Variants in ARHGAP39 observed in about 807,000 individuals in gnomAD.
The protein encoded by ARHGAP39 is Rho GTPase activating protein 39.
ARHGAP39 carries 44 observed loss-of-function variants against 106.9 expected under a neutral mutation model. The ratio of observed to expected loss-of-function variants is 0.41; its 90% confidence interval spans 0.32 to 0.53. The LOEUF (loss-of-function observed/expected upper bound fraction) is 0.53, where lower values mean the gene tolerates loss of function less well. ARHGAP39 is among the 20% of genes least tolerant of loss of function. ARHGAP39 has a pLI of 0.21. For missense variants in ARHGAP39, 1,496 were observed against 1,577.3 expected, an observed-to-expected ratio of 0.95 and a Z score of 0.87; for synonymous variants, 768 against 693.2, an observed-to-expected ratio of 1.11 and a Z score of -1.69.
intron 7 of ARHGAP39, among the ~76,000 whole-genome samples, chr8:144,536,336 C>T (rs1041643119): frequency 6.6e-6 from 1 of 152,124 alleles, no homozygotes; most frequent in African/African-American, 2.4e-5. Context: ...GTCTCCCAGG[C>T]CACCAGGTGT....
At chr8:144,595,734 C>T (rs1201431974) in intron 2 of ARHGAP39, among the ~76,000 whole-genome samples, 3 of 152,116 alleles carry the variant, frequency 2.0e-5, no homozygotes, top group Non-Finnish European at 4.4e-5. Context: ...TGAGCTCCAG[C>T]CGCCACAGCT....
rs201501799 is a variant in ARHGAP39 at position 144,605,636 on chromosome 8, C to T, written c.-22G>A. Reference sequence around the variant, plus strand: ...ACATCGCTGTTTGCTTCCGCGCCCACGTGGACAGACGTCAGGGCACCATAC... The same window carrying T: ...ACATCGCTGTTTGCTTCCGCGCCCATGTGGACAGACGTCAGGGCACCATAC... On this transcript the variant is annotated 5_prime_UTR_variant, in exon 2 of 12. It adds an upstream start codon to the 5' untranslated region. Coordinates refer to ENST00000377307, the MANE Select transcript of ARHGAP39 (RefSeq NM_025251.3). 1.2e-6 allele frequency: 2 copies of T among 1,610,876 alleles called. No homozygotes were observed. Among genetic ancestry groups the T allele is most frequent in the South Asian group, 1.1e-5 (1 of 91,058 alleles).
At chr8:144,594,104 A>AG (rs1280600360) in intron 2 of ARHGAP39, among the ~76,000 whole-genome samples, 6 of 152,016 alleles carry the variant, frequency 3.9e-5, no homozygotes, top group African/African-American at 1.4e-4. Context: ...AAAAAAAAAA[A>AG]AAAAGATAAA....
intron 7 of ARHGAP39, 107 bp downstream of exon 7, chr8:144,537,614 C>CA: frequency 1.0e-5 from 10 of 954,318 alleles, no homozygotes; most frequent in Non-Finnish European, 1.3e-5. Context: ...TTAGTGGCCC[C>CA]ATCCCCCCCG....
At chr8:144,693,673 G>A in the ARHGAP39 span, among the ~76,000 whole-genome samples, 1 of 152,056 alleles carries the variant, frequency 6.6e-6, no homozygotes, top group Non-Finnish European at 1.5e-5. Flanking sequence ...GCGCCCAGCC[G>A]CCTGGCCGTA....
At chr8:144,689,691 C>T (rs1822704902), upstream of ARHGAP39, among the ~76,000 whole-genome samples, 3 of 150,978 alleles carry the variant, frequency 2.0e-5, no homozygotes, top group South Asian at 4.2e-4. Flanking sequence ...CTGCCCACCT[C>T]GGCCTCCCAA....
At chr8:144,616,760 G>T (rs929121395) in intron 1 of ARHGAP39, among the ~76,000 whole-genome samples, 12 of 152,260 alleles carry the variant, frequency 7.9e-5, no homozygotes, top group Admixed American at 2.6e-4. Context: ...GCGAGTGCCA[G>T]TGGCATCCTG....
intron 2 of ARHGAP39, among the ~76,000 whole-genome samples, chr8:144,602,582 ATGTGTGTGGAGGTGTG>A (rs1820063192): frequency 9.4e-6 from 1 of 106,600 alleles, no homozygotes; most frequent in African/African-American, 3.8e-5. Context: ...ACCTGTGTGC[ATGTGTGTGGAGGTGTG>A]TGTGCGAGCT....
At chr8:144,637,660 G>T (rs918235389) in intron 1 of ARHGAP39, among the ~76,000 whole-genome samples, 3 of 152,062 alleles carry the variant, frequency 2.0e-5, no homozygotes, top group African/African-American at 7.2e-5. Flanking sequence ...TATAGACTTA[G>T]AGATGTGTTT....
rs61741487 is a variant in ARHGAP39, at chr8:144,545,718, C to A, written c.2052G>T (p.Thr684=). The part of the protein sequence containing the change: ...PSSSCVFPTF[T]LRKPSSETDI... ...CCGTCTCCGAGGAGGGCTTGCGCAG[C>A]GTGAAAGTGGGGAAGACGCAGCTGG... is the stretch of plus-strand genomic sequence containing the variant. The change falls in exon 6 of 12, where the codon ACG becomes ACT. Residue 684 remains threonine, a synonymous_variant. Coordinates refer to ENST00000377307, the MANE Select transcript of ARHGAP39 (RefSeq NM_025251.3). 2.5e-6 allele frequency: 4 copies of A among 1,612,566 alleles called. No individual in the cohort carries two copies. Among genetic ancestry groups the A allele is most frequent in the Non-Finnish European group, 3.4e-6 (4 of 1,179,880 alleles).
chr8:144,563,509 A>C (rs766649837), intron 3 of ARHGAP39, among the ~76,000 whole-genome samples: 1 of 152,144 alleles, frequency 6.6e-6, no homozygotes, highest in African/African-American at 2.4e-5. Flanking sequence ...TGGCACCCTA[A>C]AATTTTAGGG....
At chr8:144,601,572 G>T (rs1374850646) in intron 2 of ARHGAP39, among the ~76,000 whole-genome samples, 1 of 146,440 alleles carries the variant, frequency 6.8e-6, no homozygotes, top group Non-Finnish European at 1.5e-5. Flanking sequence ...GTGTACCTGT[G>T]TGCATGTGCG....
At chr8:144,673,511 T>C (rs1034690464) in intron 1 of ARHGAP39, among the ~76,000 whole-genome samples, 2 of 152,270 alleles carry the variant, frequency 1.3e-5, no homozygotes, top group Non-Finnish European at 2.9e-5. Flanking sequence ...ATTTTCATTA[T>C]GCTAAAAGAA....
At chr8:144,549,693 C>A (rs1817623325) in intron 4 of ARHGAP39, among the ~76,000 whole-genome samples, 1 of 152,086 alleles carries the variant, frequency 6.6e-6, no homozygotes. Context: ...TGGGGTTTCA[C>A]CGTGTTGGCC....
At chr8:144,568,110 T>A (rs997666041) in intron 3 of ARHGAP39, among the ~76,000 whole-genome samples, 4 of 152,012 alleles carry the variant, frequency 2.6e-5, no homozygotes, top group Non-Finnish European at 5.9e-5. Flanking sequence ...GGTGGGCAGA[T>A]CACCTGAGGT....
chr8:144,656,869 A>G (rs1467395670), intron 1 of ARHGAP39, among the ~76,000 whole-genome samples: 1 of 151,774 alleles, frequency 6.6e-6, no homozygotes, highest in Non-Finnish European at 1.5e-5. Context: ...ATCTCTATCA[A>G]ACCACTTTAA....
chr8:144,672,628 G>A (rs567520033), intron 1 of ARHGAP39, among the ~76,000 whole-genome samples: 1 of 152,088 alleles, frequency 6.6e-6, no homozygotes, highest in Admixed American at 6.5e-5. Flanking sequence ...CTCTGTGTGC[G>A]CCTAGACCAG....
Position 144,548,229 on chromosome 8 carries a change from G to T in ARHGAP39, c.857C>A (p.Ser286Tyr). The T allele has an allele frequency of 1.2e-6, 2 of 1,607,776 alleles. No homozygotes were observed. Among genetic ancestry groups the T allele is most frequent in the Non-Finnish European group, 1.7e-6 (2 of 1,176,832 alleles). ...CTTTCGGGGCTGGGCCAGCAGCGGGGAGCTGCTCCCTGGGAGCTCGGCCCT... is the reference window on the plus strand; with the variant it reads ...CTTTCGGGGCTGGGCCAGCAGCGGGTAGCTGCTCCCTGGGAGCTCGGCCCT... ...LKRAELPGSS[S>Y]PLLAQPRKPS... The change falls in exon 5 of 12, where the codon TCC becomes TAC. Residue 286 changes from serine to tyrosine, a missense_variant. By Grantham distance (144) the Ser-to-Tyr change is moderately radical. Transcript: ENST00000377307. The surrounding 1 kb of genome is among the most constrained non-coding windows in gnomAD (Gnocchi z 7.4).
In ARHGAP39 at chr8:144,682,138, G is replaced by A. The variant is rs758126525; in HGVS notation, c.-82+3548C>T. On this transcript the variant is annotated intron_variant, in intron 1 of 11. Transcript: ENST00000377307. Reference sequence around the variant, plus strand: ...AAAAAAATTAGCCGGGCGTGGTGGCGGGAGGCTGAGGCAGGAGAATGGCGT... The same window carrying A: ...AAAAAAATTAGCCGGGCGTGGTGGCAGGAGGCTGAGGCAGGAGAATGGCGT... 8.7e-5 allele frequency among the ~76,000 whole-genome samples: 13 copies of A among 149,742 alleles called. No homozygotes were observed. In the East Asian group the frequency reaches 1.6e-3, roughly 18 times the overall value.
Sources: gnomAD v4.1 joint callset for allele counts (sites outside exome capture counted in the v4.1 genomes callset) on GRCh38, gnomAD v4.1.1 for gene constraint, Gnocchi (gnomAD v3.1) non-coding constraint, MANE v1.5 for transcripts, NCBI Gene and HGNC (gene_info 2026-07-23, HGNC 2026-07-21) for gene names.